Variants in MON2 observed in about 807,000 individuals in gnomAD.
MON2 encodes the protein protein MON2 homolog.
A neutral mutation model predicts 208.6 loss-of-function variants in MON2; 84 were observed. The observed-to-expected ratio is 0.40, with a 90% CI of 0.34 to 0.48. The LOEUF (loss-of-function observed/expected upper bound fraction) is 0.48. MON2 is among the 20% of genes least tolerant of loss of function. The probability of loss-of-function intolerance (pLI) is 0.59; values close to 1 mark genes in which losing one functional copy is unlikely to be tolerated. For synonymous variants in MON2, 660 were observed against 694.0 expected, an observed-to-expected ratio of 0.95 and a Z score of 0.77; for missense variants, 1,611 against 2,015.4, an observed-to-expected ratio of 0.80 and a Z score of 3.84.
At chr12:62,470,727 C>T in intron 1 of MON2, 2 of 1,164,052 alleles carry the variant, frequency 1.7e-6, no homozygotes, top group Non-Finnish European at 2.2e-6. Flanking sequence ...TCTAACTGAG[C>T]CTGGAAGTTG....
intron 2 of MON2, among the ~76,000 whole-genome samples, chr12:62,487,924 C>G (rs996134618): frequency 6.6e-6 from 1 of 152,058 alleles, no homozygotes; most frequent in South Asian, 2.1e-4. Context: ...CTTTTGAAGA[C>G]CTTTTCTAGA....
chr12:62,478,375 G>A (rs1229220967), intron 1 of MON2, among the ~76,000 whole-genome samples: 2 of 152,104 alleles, frequency 1.3e-5, no homozygotes, highest in Non-Finnish European at 2.9e-5. Context: ...CAGTACTAAA[G>A]GTAGAAAGAC....
chr12:62,495,097 C>A lies in MON2; in HGVS notation c.385C>A (p.Leu129Ile), dbSNP rs1301363293. The A allele has an allele frequency of 6.2e-7, 1 of 1,612,698 alleles. No homozygotes were observed. The highest frequency in any genetic ancestry group is 8.5e-7 in the Non-Finnish European group (1 of 1,179,230). The change falls in exon 4 of 35, where the codon CTT (leucine) becomes ATT (isoleucine). Residue 129 changes from leucine to isoleucine, a missense_variant. By Grantham distance (5) the Leu-to-Ile change is conservative. Coordinates refer to ENST00000393630, the MANE Select transcript of MON2 (RefSeq NM_015026.3). ...AGAACTTAAGCTACTTCAAACAGTTCTTGTTCTTTTAACAACCAATACAGT... is the reference window on the plus strand; with the variant it reads ...AGAACTTAAGCTACTTCAAACAGTTATTGTTCTTTTAACAACCAATACAGT... ...LEELKLLQTV[L>I]VLLTTNTVVH...
intron 34 of MON2, among the ~76,000 whole-genome samples, chr12:62,592,373 A>G (rs2075424050): frequency 6.6e-6 from 1 of 152,226 alleles, no homozygotes; most frequent in Admixed American, 6.5e-5. Flanking sequence ...ATTGTTACTG[A>G]TGACTGCACA....
chr12:62,578,031 A>G (rs1342404698), intron 30 of MON2, among the ~76,000 whole-genome samples: 1 of 152,108 alleles, frequency 6.6e-6, no homozygotes, highest in Non-Finnish European at 1.5e-5. Context: ...TTAATGATTA[A>G]TGGACTGTCT....
chr12:62,513,183 C>T (rs1348100395), intron 8 of MON2, among the ~76,000 whole-genome samples: 2 of 152,190 alleles, frequency 1.3e-5, no homozygotes, highest in Non-Finnish European at 2.9e-5. Context: ...TTATGCAAAT[C>T]TCTACAGCCA....
intron 33 of MON2, among the ~76,000 whole-genome samples, chr12:62,586,276 A>G (rs1212255783): frequency 6.6e-6 from 1 of 152,224 alleles, no homozygotes; most frequent in African/African-American, 2.4e-5. Context: ...TGGAGAGGCA[A>G]ATCACCAGTG....
chr12:62,478,671 T>C (rs2069226635), intron 1 of MON2, among the ~76,000 whole-genome samples: 1 of 152,198 alleles, frequency 6.6e-6, no homozygotes, highest in African/African-American at 2.4e-5. Context: ...AATGACTGGG[T>C]AGGTCCATAG....
chr12:62,491,644 A>G (rs2070147327), intron 2 of MON2, among the ~76,000 whole-genome samples: 1 of 152,184 alleles, frequency 6.6e-6, no homozygotes, highest in African/African-American at 2.4e-5. Context: ...ACCAGGAGTT[A>G]GAAGACATAC....
intron 24 of MON2, among the ~76,000 whole-genome samples, chr12:62,555,732 C>T (rs1417574647): frequency 6.6e-6 from 1 of 150,560 alleles, no homozygotes; most frequent in East Asian, 2.0e-4. Flanking sequence ...TCACTTGGAC[C>T]TGGGAGGCAG....
At chr12:62,541,173 G>C (rs1276935978) in intron 19 of MON2, among the ~76,000 whole-genome samples, 1 of 152,130 alleles carries the variant, frequency 6.6e-6, no homozygotes, top group Admixed American at 6.5e-5. Context: ...CCTGAGGCCA[G>C]GAGTTTGTGA....
At chr12:62,504,865 T>C (rs2071023255) in intron 7 of MON2, among the ~76,000 whole-genome samples, 1 of 152,162 alleles carries the variant, frequency 6.6e-6, no homozygotes, top group Non-Finnish European at 1.5e-5. Flanking sequence ...AGGAAAAGTA[T>C]TAAAAGTGTT....
intron 24 of MON2, chr12:62,553,492 TAATC>T (rs1167216964): frequency 1.8e-5 from 4 of 216,576 alleles, no homozygotes; most frequent in Admixed American, 1.6e-4. Flanking sequence ...CAACAAAGGG[TAATC>T]AATCCCTTAC....
intron 1 of MON2, among the ~76,000 whole-genome samples, chr12:62,468,143 A>C (rs372326824): frequency 7.0e-6 from 1 of 143,032 alleles, no homozygotes; most frequent in Non-Finnish European, 1.5e-5. Flanking sequence ...TTAAAATGCC[A>C]TTTTAATTCT....
At chr12:62,572,738 C>G (rs964080135) in intron 30 of MON2, among the ~76,000 whole-genome samples, 24 of 152,206 alleles carry the variant, frequency 1.6e-4, no homozygotes, top group Admixed American at 1.4e-3. Flanking sequence ...GCATGAGCCA[C>G]TGTGCCTGGC....
intron 8 of MON2, among the ~76,000 whole-genome samples, chr12:62,514,821 G>A (rs2071606382): frequency 6.6e-6 from 1 of 152,184 alleles, no homozygotes; most frequent in South Asian, 2.1e-4. Context: ...AATAGGCACA[G>A]GACATGAATA....
In MON2 at chr12:62,560,683, C is replaced by T. The variant is rs950871183; in HGVS notation, c.3602C>T (p.Pro1201Leu). 3.1e-6 allele frequency: 5 copies of T among 1,613,714 alleles called. No individual in the cohort carries two copies. The highest frequency in any genetic ancestry group is 1.7e-5 in the Admixed American group (1 of 59,962). Residue 1201 changes from proline to leucine, a missense_variant, in exon 26 of 35, where the codon CCC becomes CTC. By Grantham distance (98) the Pro-to-Leu change is moderately conservative. Transcript: ENST00000393630. ...VNVPVPVLIG[P>L]ISGMSRPFVR... is the part of the protein sequence containing the mutation. Reference sequence around the variant, plus strand: ...GTACCTGTGCCTGTTCTTATAGGGCCCATATCAGGCATGAGCAGGCCATTT... The same window carrying T: ...GTACCTGTGCCTGTTCTTATAGGGCTCATATCAGGCATGAGCAGGCCATTT...
Position 62,598,588 on chromosome 12 carries a change from T to A in MON2, c.*5839T>A, listed in dbSNP as rs913201598. The stretch of plus-strand genomic sequence containing the variant: ...CACGTAACATACAACTCCTGTCTCT[T>A]AAGGCAGCTACCATATGGTGTTTAT... On this transcript the variant is annotated 3_prime_UTR_variant, in exon 35 of 35. Transcript: ENST00000393630. The A allele has an allele frequency of 2.0e-5, 3 of 152,204 alleles. No individual in the cohort carries two copies. Among genetic ancestry groups the A allele is most frequent in the Non-Finnish European group, 4.4e-5 (3 of 68,022 alleles). The allele number at this position is 152,204 out of a possible 1,614,324, so 9.4% of individuals were successfully genotyped here.
chr12:62,588,970 C>T (rs984020628), intron 34 of MON2: 2 of 1,139,714 alleles, frequency 1.8e-6, no homozygotes, highest in African/African-American at 1.6e-5. Flanking sequence ...GTACTTGTCT[C>T]GAAGCACTCT....
Sources: gnomAD v4.1 joint callset for allele counts (sites outside exome capture counted in the v4.1 genomes callset) on GRCh38, gnomAD v4.1.1 for gene constraint, MANE v1.5 for transcripts, NCBI Gene and HGNC (gene_info 2026-07-23, HGNC 2026-07-21) for gene names.